GRM5: variants seen among roughly 807,000 people sequenced by gnomAD.
GRM5 encodes the protein glutamate metabotropic receptor 5, also known as metabotropic glutamate receptor 5.
Under a neutral mutation model 83.1 loss-of-function variants are expected in GRM5, and 19 were observed. That is an observed-to-expected ratio of 0.23 (90% CI 0.16 to 0.34). The LOEUF (loss-of-function observed/expected upper bound fraction) is 0.34, where lower values mean the gene tolerates loss of function less well. GRM5 is among the 10% of genes least tolerant of loss of function. GRM5 has a pLI of 1.00. For synonymous variants in GRM5, 675 were observed against 633.6 expected (o/e 1.07, Z -0.98); for missense variants, 1,160 against 1,588.3 (o/e 0.73, Z 4.58).
chr11:88,521,826 A>T (rs1941699642), intron 9 of GRM5, among the ~76,000 whole-genome samples: 2 of 152,184 alleles, frequency 1.3e-5, no homozygotes, highest in Admixed American at 1.3e-4. Flanking sequence ...GGGTTGAGGG[A>T]GGAAGGCAGA....
intron 2 of GRM5, among the ~76,000 whole-genome samples, chr11:88,991,654 C>G (rs1591027754): frequency 6.7e-6 from 1 of 150,110 alleles, no homozygotes; most frequent in African/African-American, 2.4e-5. Flanking sequence ...GGTACTGGTA[C>G]CAAAACAGAA....
intron 7 of GRM5, among the ~76,000 whole-genome samples, chr11:88,577,931 G>T (rs1488491281): frequency 6.6e-6 from 1 of 152,096 alleles, no homozygotes; most frequent in Non-Finnish European, 1.5e-5. Flanking sequence ...TCAAGGATTA[G>T]TGTGAGGACC....
chr11:88,714,993 T>C (rs1941369487), intron 3 of GRM5, among the ~76,000 whole-genome samples: 1 of 151,994 alleles, frequency 6.6e-6, no homozygotes, highest in Non-Finnish European at 1.5e-5. Context: ...TATTTTGGGG[T>C]CTGTACATCA....
intron 3 of GRM5, among the ~76,000 whole-genome samples, chr11:88,667,941 G>C (rs1476104016): frequency 6.6e-6 from 1 of 151,566 alleles, no homozygotes; most frequent in Non-Finnish European, 1.5e-5. Context: ...TTGATTCTTT[G>C]AAAAGACTAA....
intron 3 of GRM5, among the ~76,000 whole-genome samples, chr11:88,821,082 C>T (rs1481869909): frequency 1.3e-5 from 2 of 152,062 alleles, no homozygotes; most frequent in African/African-American, 2.4e-5. Flanking sequence ...AGGTAACAAT[C>T]AATGACCTCA....
chr11:88,711,378 G>A (rs1004311608), intron 3 of GRM5, among the ~76,000 whole-genome samples: 17 of 152,102 alleles, frequency 1.1e-4, no homozygotes, highest in African/African-American at 4.1e-4. Context: ...AGCTCCCAAG[G>A]CACTAGCCAG....
At chr11:88,865,078 A>G (rs1033951766) in intron 2 of GRM5, among the ~76,000 whole-genome samples, 1 of 152,082 alleles carries the variant, frequency 6.6e-6, no homozygotes, top group Non-Finnish European at 1.5e-5. Context: ...ATAGGAAAAC[A>G]TTCCATGCTC....
intron 4 of GRM5, among the ~76,000 whole-genome samples, chr11:88,623,107 C>G (rs1156971425): frequency 6.6e-6 from 1 of 151,860 alleles, no homozygotes; most frequent in Non-Finnish European, 1.5e-5. Context: ...TTTTTTGAGA[C>G]AGAGTTTCAC....
At chr11:89,009,930 A>AAAAAAAC (rs1316250515) in intron 2 of GRM5, among the ~76,000 whole-genome samples, 8 of 100,144 alleles carry the variant, frequency 8.0e-5, no homozygotes, top group African/African-American at 2.5e-4. Flanking sequence ...AAAAAAAAAA[A>AAAAAAAC]CACACACAAA....
At chr11:88,667,267 G>T (rs1940069306) in intron 3 of GRM5, among the ~76,000 whole-genome samples, 1 of 152,074 alleles carries the variant, frequency 6.6e-6, no homozygotes, top group Admixed American at 6.6e-5. Flanking sequence ...AAACATCTAA[G>T]TCAGATAATT....
intron 2 of GRM5, among the ~76,000 whole-genome samples, chr11:88,932,391 C>T (rs115676630): frequency 0.03 from 4,492 of 151,936 alleles, 220 homozygotes; most frequent in African/African-American, 0.1. Context: ...CATATAATAA[C>T]ACACTATGCA....
intron 3 of GRM5, among the ~76,000 whole-genome samples, chr11:88,803,751 C>A (rs10831458): frequency 0.97 from 146,541 of 151,498 alleles, 70,894 homozygotes; most frequent in Middle Eastern, 0.99. Context: ...AACAGGCAAC[C>A]TACAAAATGG....
chr11:89,037,854 A>G (rs991424065), intron 2 of GRM5, among the ~76,000 whole-genome samples: 1 of 152,178 alleles, frequency 6.6e-6, no homozygotes, highest in African/African-American at 2.4e-5. Flanking sequence ...AGAGAAGTAG[A>G]GTAAGTCACT....
At chr11:88,833,202 G>C (rs1944026419) in intron 3 of GRM5, among the ~76,000 whole-genome samples, 1 of 151,950 alleles carries the variant, frequency 6.6e-6, no homozygotes, top group Admixed American at 6.6e-5. Flanking sequence ...GAAAATATTT[G>C]CACAATGTTT....
At chr11:88,976,971 C>T (rs375743843) in intron 2 of GRM5, among the ~76,000 whole-genome samples, 5 of 151,660 alleles carry the variant, frequency 3.3e-5, no homozygotes, top group Non-Finnish European at 7.4e-5. Context: ...GTAAACTAGT[C>T]AATATTGAGG....
At chr11:88,593,474 G>A (rs1324705893) in intron 6 of GRM5, among the ~76,000 whole-genome samples, 3 of 151,814 alleles carry the variant, frequency 2.0e-5, no homozygotes, top group Admixed American at 2.0e-4. Flanking sequence ...TCAGCAGATC[G>A]AGACCATCCT....
rs367686021 is a variant in GRM5 at position 88,605,820 on chromosome 11, G to A, written c.1148-856C>T. The stretch of plus-strand genomic sequence containing the variant: ...TTGTTATTGATGATTGATTTGACAA[G>A]TATGGACTTAGTGCCTGTTATTTCT... On this transcript the variant is annotated intron_variant, in intron 4 of 9. Transcript: ENST00000305447. 1.1e-3 allele frequency among the ~76,000 whole-genome samples: 175 copies of A among 152,324 alleles called. 1 individual carries two copies. The Middle Eastern group carries it at 0.014, about 12-fold the overall frequency.
chr11:89,005,322 C>A (rs191820525), intron 2 of GRM5, among the ~76,000 whole-genome samples: 1 of 152,054 alleles, frequency 6.6e-6, no homozygotes, highest in African/African-American at 2.4e-5. Flanking sequence ...CATTTCATAT[C>A]GGGAAGGAAT....
At chr11:89,037,845 G>A (rs532859529) in intron 2 of GRM5, among the ~76,000 whole-genome samples, 6 of 152,106 alleles carry the variant, frequency 3.9e-5, no homozygotes, top group Non-Finnish European at 7.4e-5. Flanking sequence ...ACATGAAAAA[G>A]AGAAGTAGAG....
Sources: allele counts gnomAD v4.1 joint callset (sites outside exome capture counted in the v4.1 genomes callset), GRCh38; gene constraint gnomAD v4.1.1; transcripts MANE v1.5; gene names NCBI Gene and HGNC (gene_info 2026-07-23, HGNC 2026-07-21).